The following LRP1B variants were observed in gnomAD, a reference collection of about 807,000 sequenced individuals.
LRP1B encodes LDL receptor related protein 1B.
In LRP1B, 217 loss-of-function variants were observed where a neutral mutation model predicts 556.6. The ratio of observed to expected loss-of-function variants is 0.39; its 90% CI spans 0.35 to 0.44. LRP1B has a LOEUF of 0.44. Among genes scored for constraint, LRP1B ranks in the 20% least tolerant of loss-of-function variants. The probability of loss-of-function intolerance (pLI) is 1.00; values close to 1 mark genes in which losing one functional copy is unlikely to be tolerated. For synonymous variants in LRP1B, 2,047 were observed against 1,865.8 expected, an observed-to-expected ratio of 1.10 and a Z score of -2.50; for missense variants, 5,053 against 5,620.8, an observed-to-expected ratio of 0.90 and a Z score of 3.23.
At chr2:141,969,287 A>G (rs1701656260) in intron 1 of LRP1B, among the ~76,000 whole-genome samples, 1 of 151,548 alleles carries the variant, frequency 6.6e-6, no homozygotes, top group East Asian at 1.9e-4. Flanking sequence ...ACTCTTTCCA[A>G]CATTTTTAAG....
chr2:141,229,868 G>A (rs1191380564), intron 5 of LRP1B, among the ~76,000 whole-genome samples: 4 of 152,106 alleles, frequency 2.6e-5, no homozygotes, highest in Non-Finnish European at 5.9e-5. Flanking sequence ...AGCAGAAAAT[G>A]CAAAGCTCAT....
At chr2:141,302,897 A>G (rs1339588104) in intron 3 of LRP1B, among the ~76,000 whole-genome samples, 1 of 152,080 alleles carries the variant, frequency 6.6e-6, no homozygotes, top group African/African-American at 2.4e-5. Flanking sequence ...TCCTTGTGCA[A>G]TATCAATAAT....
chr2:141,770,252 T>C (rs1259566083), intron 2 of LRP1B, among the ~76,000 whole-genome samples: 2 of 152,210 alleles, frequency 1.3e-5, no homozygotes, highest in African/African-American at 4.8e-5. Context: ...CCCTTATTTA[T>C]GGATCTTCTT....
chr2:140,555,985 A>G (rs1162066738), intron 43 of LRP1B, among the ~76,000 whole-genome samples: 2 of 152,066 alleles, frequency 1.3e-5, no homozygotes, highest in East Asian at 1.9e-4. Context: ...CACATACAAT[A>G]TTAAAACTGC....
chr2:140,495,661 G>A lies in LRP1B; in HGVS notation c.8938C>T (p.Gln2980Ter). The A allele has an allele frequency of 6.2e-7, 1 of 1,613,958 alleles. No homozygotes were observed. The highest frequency in any genetic ancestry group is 8.5e-7 in the Non-Finnish European group (1 of 1,179,882). Residue 2980 changes from glutamine (Q) to a stop codon, truncating the protein, a stop_gained, in exon 56 of 91, where the codon CAG becomes TAG. Coordinates refer to ENST00000389484, the MANE Select transcript of LRP1B (RefSeq NM_018557.3). LOFTEE classifies it high-confidence loss of function. ...GTCCCGTATGTATTGATGCATTGCT[G>A]GCTACAGGGAAAGCCTGAAGAGCAT... The part of the protein sequence containing the change: ...DECSSGFPCS[Q>*]QCINTYGTYK...
At chr2:141,617,409 A>C (rs1688346557) in intron 2 of LRP1B, among the ~76,000 whole-genome samples, 1 of 152,200 alleles carries the variant, frequency 6.6e-6, no homozygotes. Flanking sequence ...TCAGGGGTCT[A>C]CTTTAATATG....
intron 83 of LRP1B, among the ~76,000 whole-genome samples, chr2:140,306,108 C>A (rs12692047): frequency 0.031 from 2,837 of 91,912 alleles, 93 homozygotes; most frequent in Middle Eastern, 0.045. Flanking sequence ...ATTGGTCTAA[C>A]ATTCTCTTTT....
chr2:140,356,235 C>T (rs1022263746), intron 75 of LRP1B, 107 bp downstream of exon 75: 2 of 1,138,770 alleles, frequency 1.8e-6, no homozygotes, highest in Non-Finnish European at 2.6e-6. Context: ...CGTAGATACA[C>T]ACCATTTTGA....
chr2:140,612,269 C>T (rs540076072), intron 41 of LRP1B, among the ~76,000 whole-genome samples: 1 of 152,082 alleles, frequency 6.6e-6, no homozygotes, highest in Non-Finnish European at 1.5e-5. Flanking sequence ...GTTCATATCA[C>T]CACTTTTACT....
At chr2:140,442,668 T>A in intron 65 of LRP1B, 45 bp from the exon 66 acceptor site, 1 of 1,594,204 alleles carries the variant, frequency 6.3e-7, no homozygotes, top group Non-Finnish European at 8.5e-7. Context: ...GGAGAACATA[T>A]TTATTTATTA....
Position 141,828,569 on chromosome 2 carries a change from A to G in LRP1B, c.83-18168T>C, listed in dbSNP as rs142628826. ...CTGACTCAGGGTGCTTCCTAAAATC[A>G]TCATATCCTTTGCAGGAGTTTCTAT... is the stretch of plus-strand genomic sequence containing the variant. On this transcript the variant is annotated intron_variant, in intron 1 of 90. Coordinates refer to ENST00000389484, the MANE Select transcript of LRP1B (RefSeq NM_018557.3). 3.5e-3 allele frequency among the ~76,000 whole-genome samples: 533 copies of G among 152,248 alleles called. 2 individuals carry two copies. Among genetic ancestry groups the G allele is most frequent in the African/African-American group, 0.011 (472 of 41,568 alleles).
chr2:141,998,831 G>A (rs191811544), intron 1 of LRP1B, among the ~76,000 whole-genome samples: 350 of 152,284 alleles, frequency 2.3e-3, no homozygotes, highest in African/African-American at 8.2e-3. Flanking sequence ...AAGATAGGGG[G>A]TTATGGAGAC....
intron 5 of LRP1B, among the ~76,000 whole-genome samples, chr2:141,230,773 C>T (rs986929718): frequency 1.3e-5 from 2 of 152,156 alleles, no homozygotes; most frequent in Non-Finnish European, 2.9e-5. Flanking sequence ...TTGCTCACCT[C>T]TTTTAGGTCA....
At chr2:140,434,792 G>A (rs542917104) in intron 66 of LRP1B, among the ~76,000 whole-genome samples, 4 of 152,144 alleles carry the variant, frequency 2.6e-5, no homozygotes, top group Non-Finnish European at 5.9e-5. Context: ...ATAACTACGT[G>A]TCTTTTGTTA....
chr2:141,372,262 T>C (rs558075991), intron 3 of LRP1B, among the ~76,000 whole-genome samples: 2 of 152,140 alleles, frequency 1.3e-5, no homozygotes, highest in African/African-American at 2.4e-5. Context: ...TATCTTTTCA[T>C]TGTGTTATTG....
intron 1 of LRP1B, among the ~76,000 whole-genome samples, chr2:141,829,148 AGTT>A (rs386651281): frequency 0.013 from 1,982 of 152,164 alleles, 50 homozygotes; most frequent in African/African-American, 0.045. Flanking sequence ...ATATCTAGCG[AGTT>A]TTTGTCCTCA....
In LRP1B at chr2:140,916,734, T is replaced by C. The variant is rs561844927; in HGVS notation, c.3319+6231A>G. On this transcript the variant is annotated intron_variant, in intron 21 of 90. Coordinates refer to ENST00000389484, the MANE Select transcript of LRP1B (RefSeq NM_018557.3). ...AGGACACAGTAAAAGTTGTGATACC[T>C]TCTCAGTCATTCTTCCTAGCCACTT... Among the ~76,000 whole-genome samples, 22 of 152,352 alleles carry C rather than the reference T, an allele frequency of 1.4e-4. No individual in the cohort carries two copies. In the South Asian group the frequency reaches 4.1e-3, roughly 29 times the overall value.
At chr2:141,881,466 A>G (rs1698954949) in intron 1 of LRP1B, among the ~76,000 whole-genome samples, 1 of 152,066 alleles carries the variant, frequency 6.6e-6, no homozygotes, top group African/African-American at 2.4e-5. Flanking sequence ...CACAAAAATT[A>G]AACTGAAAAA....
intron 43 of LRP1B, among the ~76,000 whole-genome samples, chr2:140,550,494 C>A (rs1574070223): frequency 6.6e-6 from 1 of 152,180 alleles, no homozygotes; most frequent in Non-Finnish European, 1.5e-5. Flanking sequence ...TCCCATTTTA[C>A]AAAATGACAA....
Sources: gnomAD v4.1 joint callset for allele counts (sites outside exome capture counted in the v4.1 genomes callset) on GRCh38, gnomAD v4.1.1 for gene constraint, MANE v1.5 for transcripts, NCBI Gene and HGNC (gene_info 2026-07-23, HGNC 2026-07-21) for gene names.